The following MARCHF10 variants were observed in gnomAD, a reference collection of about 807,000 sequenced individuals.
The protein encoded by MARCHF10 is membrane associated ring-CH-type finger 10, also known as probable E3 ubiquitin-protein ligase MARCHF10.
A neutral mutation model predicts 76.2 loss-of-function variants in MARCHF10; 64 were observed. The observed-to-expected ratio is 0.84, with a 90% confidence interval of 0.69 to 1.03. MARCHF10 has a LOEUF of 1.03. Among genes scored for constraint, MARCHF10 ranks in the 50% least tolerant of loss-of-function variants. The probability of loss-of-function intolerance (pLI) is 0.00; values close to 1 mark genes in which losing one functional copy is unlikely to be tolerated. For missense variants in MARCHF10, 875 were observed against 958.0 expected (o/e 0.91, Z 1.14); for synonymous variants, 340 against 357.5 (o/e 0.95, Z 0.55).
chr17:62,790,800 T>G (rs1394163295), intron 2 of MARCHF10, among the ~76,000 whole-genome samples: 1 of 152,184 alleles, frequency 6.6e-6, no homozygotes, highest in Non-Finnish European at 1.5e-5. Flanking sequence ...AACAAAACAT[T>G]TACTCCTTGG....
chr17:62,740,798 A>G (rs1327090550), intron 5 of MARCHF10, among the ~76,000 whole-genome samples: 2 of 151,820 alleles, frequency 1.3e-5, no homozygotes, highest in Admixed American at 1.3e-4. Context: ...GGCTCATTTT[A>G]AAATTTTTTT....
chr17:62,735,797 C>T (rs2091236326), intron 6 of MARCHF10, 134 bp downstream of exon 6: 2 of 747,792 alleles, frequency 2.7e-6, no homozygotes, highest in South Asian at 2.0e-5. Context: ...ACAATTTTCT[C>T]AAAATAAGCA....
chr17:62,776,826 T>C (rs553838397), intron 3 of MARCHF10, among the ~76,000 whole-genome samples: 1 of 152,368 alleles, frequency 6.6e-6, no homozygotes. Context: ...GCCATTCTTA[T>C]GCCTTTGCAT....
At chr17:62,715,622 A>G (rs2090154288) in intron 8 of MARCHF10, among the ~76,000 whole-genome samples, 2 of 152,226 alleles carry the variant, frequency 1.3e-5, no homozygotes, top group South Asian at 2.1e-4. Flanking sequence ...ACACAGCACT[A>G]CCGAAAGAGT....
chr17:62,705,685 C>T, intron 9 of MARCHF10, 104 bp from the exon 10 acceptor site: 2 of 1,400,950 alleles, frequency 1.4e-6, no homozygotes, highest in Admixed American at 2.0e-5. Context: ...TCCCTTACAC[C>T]ACTTTAAAGG....
Position 62,797,394 on chromosome 17 carries a change from C to T in MARCHF10, c.90+4252G>A, listed in dbSNP as rs182257777. 1.8e-4 allele frequency among the ~76,000 whole-genome samples: 28 copies of T among 152,148 alleles called. 1 individual carries two copies. The East Asian group carries it at 2.7e-3, about 15-fold the overall frequency. ...TAATTTTTTGTATTTTTAGTAGAGA[C>T]GGGGTTTCACGATGTTGGCCAGGCT... On this transcript the variant is annotated intron_variant, in intron 2 of 10. Coordinates refer to ENST00000311269, the MANE Select transcript of MARCHF10 (RefSeq NM_152598.4).
chr17:62,723,559 C>CTTTTTTTTTT (rs60456766), intron 7 of MARCHF10, among the ~76,000 whole-genome samples: 1,130 of 80,242 alleles, frequency 0.014, 174 homozygotes, highest in African/African-American at 0.036. Context: ...GTTCGCTTGA[C>CTTTTTTTTTT]TTTTTTTTTT....
At chr17:62,756,568 C>T (rs376740496) in intron 4 of MARCHF10, among the ~76,000 whole-genome samples, 27 of 152,206 alleles carry the variant, frequency 1.8e-4, no homozygotes, top group East Asian at 7.7e-4. Flanking sequence ...CTCCTCATTA[C>T]CTGCTGCTGT....
Position 62,711,026 on chromosome 17 carries a change from A to G in MARCHF10, c.2328+205T>C, listed in dbSNP as rs1337339364. ...TTAATTACTACTCATGTTTAATAAT[A>G]AGCAATTATGTGATCGTCACTTACT... On this transcript the variant is annotated intron_variant, in intron 9 of 10. Transcript: ENST00000311269. This position sits in a 1 kb window ranked among gnomAD's most constrained non-coding sequence, Gnocchi z 4.4. Among the ~76,000 whole-genome samples the G allele has an allele frequency of 1.3e-5, 2 of 152,204 alleles. No individual in the cohort carries two copies. The highest frequency in any genetic ancestry group is 4.8e-5 in the African/African-American group (2 of 41,452).
intron 6 of MARCHF10, among the ~76,000 whole-genome samples, chr17:62,728,693 C>T (rs764719091): frequency 1.4e-4 from 21 of 151,952 alleles, no homozygotes; most frequent in Non-Finnish European, 2.5e-4. Flanking sequence ...ATGTGATTAA[C>T]GAAATAAAAA....
chr17:62,775,251 G>A (rs944214991), intron 3 of MARCHF10, among the ~76,000 whole-genome samples: 1 of 150,526 alleles, frequency 6.6e-6, no homozygotes, highest in Admixed American at 6.6e-5. Flanking sequence ...TTAGCCTCCC[G>A]AGTAGCTGGG....
intron 3 of MARCHF10, among the ~76,000 whole-genome samples, chr17:62,765,076 G>A (rs915395581): frequency 3.9e-5 from 6 of 152,166 alleles, no homozygotes; most frequent in African/African-American, 1.2e-4. Flanking sequence ...GCCAGGTGCT[G>A]TGGTTCACGC....
chr17:62,777,258 G>A (rs538171374), intron 3 of MARCHF10, among the ~76,000 whole-genome samples: 1 of 152,338 alleles, frequency 6.6e-6, no homozygotes, highest in South Asian at 2.1e-4. Context: ...TAGATAAAAC[G>A]GGGATGGGCT....
Position 62,711,413 on chromosome 17 carries a change from G to T in MARCHF10, c.2215-69C>A. ...TCATGGTCTAAATTGTGGGATGCAGGGTAACAAGGCTAAGAGGTGACAAGA... is the reference window on the plus strand; with the variant it reads ...TCATGGTCTAAATTGTGGGATGCAGTGTAACAAGGCTAAGAGGTGACAAGA... On this transcript the variant is annotated intron_variant, in intron 8 of 10. Transcript: ENST00000311269. The surrounding 1 kb of genome is among the most constrained non-coding windows in gnomAD (Gnocchi z 4.4). 2 of 1,449,944 alleles carry T rather than the reference G, an allele frequency of 1.4e-6. No individual in the cohort carries two copies. The highest frequency in any genetic ancestry group is 1.9e-6 in the Non-Finnish European group (2 of 1,040,668). The allele number at this position is 1,449,944 out of a possible 1,614,324, so 89.8% of individuals were successfully genotyped here.
At chr17:62,723,265 G>A (rs1367111338) in intron 7 of MARCHF10, among the ~76,000 whole-genome samples, 1 of 150,098 alleles carries the variant, frequency 6.7e-6, no homozygotes, top group Non-Finnish European at 1.5e-5. Context: ...ATTCCCCAAT[G>A]CAAAAGTGGA....
chr17:62,800,301 T>C (rs1005095518), intron 2 of MARCHF10, among the ~76,000 whole-genome samples: 8 of 152,158 alleles, frequency 5.3e-5, no homozygotes, highest in African/African-American at 1.2e-4. Flanking sequence ...AACTATAAGA[T>C]TGATTTTTTC....
intron 9 of MARCHF10, among the ~76,000 whole-genome samples, chr17:62,708,748 C>CTTA (rs2089744069): frequency 6.6e-6 from 1 of 152,202 alleles, no homozygotes; most frequent in Admixed American, 6.5e-5. Flanking sequence ...AGTAAACACT[C>CTTA]AATGTTCCTG....
At chr17:62,743,367 G>A (rs2041281) in intron 5 of MARCHF10, among the ~76,000 whole-genome samples, 78,887 of 152,068 alleles carry the variant, frequency 0.52, 21,496 homozygotes, top group East Asian at 0.71. Context: ...ACAAAGGCAG[G>A]CCGGGTGCCA....
At chr17:62,721,235 T>G (rs2090471030) in intron 8 of MARCHF10, among the ~76,000 whole-genome samples, 1 of 152,144 alleles carries the variant, frequency 6.6e-6, no homozygotes, top group South Asian at 2.1e-4. Flanking sequence ...GTTGTTGATT[T>G]TGCACTTTTT....
Sources: allele counts gnomAD v4.1 joint callset (sites outside exome capture counted in the v4.1 genomes callset), GRCh38; gene constraint gnomAD v4.1.1; non-coding constraint Gnocchi (gnomAD v3.1); transcripts MANE v1.5; gene names NCBI Gene and HGNC (gene_info 2026-07-23, HGNC 2026-07-21).